PREX1: variants seen among roughly 807,000 people sequenced by gnomAD.
The protein encoded by PREX1 is phosphatidylinositol 3,4,5-trisphosphate-dependent Rac exchanger 1 protein.
Under a neutral mutation model 198.3 loss-of-function variants are expected in PREX1, and 41 were observed. The observed-to-expected ratio is 0.21, with a 90% CI of 0.16 to 0.27. PREX1 has a LOEUF of 0.27. Ranked by LOEUF, PREX1 falls within the 10% of genes least tolerant of loss-of-function variation. The probability of loss-of-function intolerance (pLI) is 1.00; values close to 1 mark genes in which losing one functional copy is unlikely to be tolerated. For missense variants in PREX1, 1,620 were observed against 2,200.7 expected (o/e 0.74, Z 5.28); for synonymous variants, 843 against 887.2 (o/e 0.95, Z 0.89).
At chr20:48,775,613 CAT>C (rs200314339) in intron 1 of PREX1, among the ~76,000 whole-genome samples, 5,171 of 152,190 alleles carry the variant, frequency 0.034, 114 homozygotes, top group Middle Eastern at 0.071. Flanking sequence ...TGAGTTCCCA[CAT>C]GTTATGGGAG....
chr20:48,859,498 G>A, the PREX1 span, among the ~76,000 whole-genome samples: 1 of 152,106 alleles, frequency 6.6e-6, no homozygotes, highest in African/African-American at 2.4e-5. Flanking sequence ...CACCTGTCAG[G>A]ATGACTACTA....
At chr20:48,864,028 A>T in the PREX1 span, among the ~76,000 whole-genome samples, 1 of 152,224 alleles carries the variant, frequency 6.6e-6, no homozygotes, top group African/African-American at 2.4e-5. Flanking sequence ...CTATTGAAGG[A>T]TATCTTGATT....
chr20:48,651,095 C>A, intron 22 of PREX1, 40 bp from the exon 23 acceptor site: 1 of 1,605,646 alleles, frequency 6.2e-7, no homozygotes, highest in Non-Finnish European at 8.5e-7. Flanking sequence ...TCCCTGTGTG[C>A]CGGGAAGATT....
intron 36 of PREX1, among the ~76,000 whole-genome samples, chr20:48,630,430 T>C (rs377309552): frequency 1.6e-4 from 25 of 152,348 alleles, no homozygotes; most frequent in African/African-American, 4.1e-4. Context: ...AAGAATACCA[T>C]ACAGGTTACA....
intron 1 of PREX1, among the ~76,000 whole-genome samples, chr20:48,771,993 A>G (rs2090238231): frequency 6.6e-6 from 1 of 152,148 alleles, no homozygotes; most frequent in African/African-American, 2.4e-5. Flanking sequence ...CAGGAGTTCG[A>G]GACCACCCTG....
intron 16 of PREX1, among the ~76,000 whole-genome samples, chr20:48,659,520 C>A (rs1035842913): frequency 2.0e-5 from 3 of 152,132 alleles, no homozygotes; most frequent in Non-Finnish European, 4.4e-5. Context: ...ATGAGTCAGG[C>A]TTCAGCTCCA....
At chr20:48,860,855 A>T in the PREX1 span, among the ~76,000 whole-genome samples, 1 of 150,602 alleles carries the variant, frequency 6.6e-6, no homozygotes, top group African/African-American at 2.4e-5. Flanking sequence ...AAAAGGCCAG[A>T]CGCAGTGGCT....
chr20:48,759,565 A>AAAG (rs2090170299), intron 1 of PREX1, among the ~76,000 whole-genome samples: 1 of 146,646 alleles, frequency 6.8e-6, no homozygotes, highest in South Asian at 2.1e-4. Flanking sequence ...AAAAAAAAAA[A>AAAG]AAAGAAAAGA....
chr20:48,632,261 G>T lies in PREX1; in HGVS notation c.4526+16C>A. The T allele has an allele frequency of 6.2e-7, 1 of 1,612,642 alleles. No individual in the cohort carries two copies. Among genetic ancestry groups the T allele is most frequent in the Non-Finnish European group, 8.5e-7 (1 of 1,179,126 alleles). ...TTTCCTGACTCCTGCCCCCAACGGG[G>T]ACCCCAGGCGGATACCTGAGTTTGC... On this transcript the variant is annotated intron_variant, in intron 35 of 39. Transcript: ENST00000371941.
chr20:48,752,659 C>T (rs1043692067), intron 1 of PREX1, among the ~76,000 whole-genome samples: 1 of 152,140 alleles, frequency 6.6e-6, no homozygotes, highest in Non-Finnish European at 1.5e-5. Flanking sequence ...GCTCCGGTGG[C>T]CCCCATGGTA....
chr20:48,749,531 G>C (rs921090405), intron 1 of PREX1, among the ~76,000 whole-genome samples: 2 of 152,224 alleles, frequency 1.3e-5, no homozygotes, highest in Non-Finnish European at 2.9e-5. Flanking sequence ...GAGCAGGTAA[G>C]CAGAGAGGAG....
chr20:48,633,392 C>T (rs764146632), intron 33 of PREX1, among the ~76,000 whole-genome samples: 12 of 152,122 alleles, frequency 7.9e-5, no homozygotes, highest in Non-Finnish European at 1.8e-4. Flanking sequence ...ACAGGGTATA[C>T]CCGTAGTAGT....
chr20:48,819,860 T>C (rs1467025508), intron 1 of PREX1, among the ~76,000 whole-genome samples: 3 of 152,138 alleles, frequency 2.0e-5, no homozygotes, highest in Admixed American at 6.5e-5. Context: ...AATGAATAAG[T>C]CGATTAGTGG....
chr20:48,882,660 C>G, the PREX1 span, among the ~76,000 whole-genome samples: 1 of 151,890 alleles, frequency 6.6e-6, no homozygotes, highest in African/African-American at 2.4e-5. Context: ...AACTGCCAAA[C>G]TGTTTTCCAA....
At chr20:48,796,034 G>C (rs2090360980) in intron 1 of PREX1, among the ~76,000 whole-genome samples, 1 of 152,148 alleles carries the variant, frequency 6.6e-6, no homozygotes, top group South Asian at 2.1e-4. Flanking sequence ...AGAGCAACTG[G>C]GGCTGGAGGC....
intron 3 of PREX1, among the ~76,000 whole-genome samples, chr20:48,740,297 G>A (rs1472586381): frequency 6.6e-6 from 1 of 152,238 alleles, no homozygotes; most frequent in African/African-American, 2.4e-5. Context: ...GCCTGTCACA[G>A]AGACAGAGAC....
chr20:48,666,491 A>C lies in PREX1; in HGVS notation c.1666-136T>G. On this transcript the variant is annotated intron_variant, in intron 14 of 39. Transcript: ENST00000371941. This position sits in a 1 kb window ranked among gnomAD's most constrained non-coding sequence, Gnocchi z 4.3. ...GGTTGTCTGTTTTGTTTACTGCAGT[A>C]ACCCCAAAACGGGTTTGTGATTATT... 4 of 576,242 alleles carry C rather than the reference A, an allele frequency of 6.9e-6. No homozygotes were observed. The highest frequency in any genetic ancestry group is 1.2e-5 in the Non-Finnish European group (4 of 329,558). The allele number at this position is 576,242 out of a possible 1,614,324, so 35.7% of individuals were successfully genotyped here.
rs551377654 is a variant in PREX1 at position 48,719,379 on chromosome 20, T to C, written c.621+6911A>G. ...CACAGGAAAGAGCCTAAGCACAGGC[T>C]GACACAGGTTGAGTCTCTGGGGCAG... is the stretch of plus-strand genomic sequence containing the variant. On this transcript the variant is annotated intron_variant, in intron 5 of 39. Coordinates refer to ENST00000371941, the MANE Select transcript of PREX1 (RefSeq NM_020820.4). Among the ~76,000 whole-genome samples, 265 of 152,146 alleles carry C rather than the reference T, an allele frequency of 1.7e-3. 1 individual carries two copies. The highest frequency in any genetic ancestry group is 6.1e-3 in the African/African-American group (253 of 41,492).
intron 2 of PREX1, among the ~76,000 whole-genome samples, chr20:48,746,777 T>A (rs1033925696): frequency 3.3e-5 from 5 of 152,158 alleles, no homozygotes; most frequent in Non-Finnish European, 7.3e-5. Flanking sequence ...GGTAATTTTT[T>A]ATAAACTGTA....
Sources: gnomAD v4.1 joint callset for allele counts (sites outside exome capture counted in the v4.1 genomes callset) on GRCh38, gnomAD v4.1.1 for gene constraint, Gnocchi (gnomAD v3.1) non-coding constraint, MANE v1.5 for transcripts, NCBI Gene and HGNC (gene_info 2026-07-23, HGNC 2026-07-21) for gene names.